The following AJAP1 variants were observed in gnomAD, a reference collection of about 807,000 sequenced individuals.
AJAP1 encodes adherens junctions associated protein 1, also known as adherens junction-associated protein 1.
In AJAP1, 5 loss-of-function variants were observed where a neutral mutation model predicts 35.0. That is an observed-to-expected ratio of 0.14 (90% CI 0.07 to 0.30). AJAP1 has a LOEUF of 0.30. Among genes scored for constraint, AJAP1 ranks in the 10% least tolerant of loss-of-function variants. The probability of loss-of-function intolerance (pLI) is 1.00; values close to 1 mark genes in which losing one functional copy is unlikely to be tolerated. For missense variants in AJAP1, 586 were observed against 571.0 expected (o/e 1.03, Z -0.27); for synonymous variants, 284 against 249.3 (o/e 1.14, Z -1.31).
chr1:4,757,693 C>T (rs1641465640), intron 2 of AJAP1, among the ~76,000 whole-genome samples: 1 of 152,236 alleles, frequency 6.6e-6, no homozygotes, highest in South Asian at 2.1e-4. Flanking sequence ...GTGTCCTCAT[C>T]ACCCTGGTTT....
At chr1:4,684,794 G>A (rs776238519) in intron 1 of AJAP1, among the ~76,000 whole-genome samples, 38 of 152,238 alleles carry the variant, frequency 2.5e-4, no homozygotes, top group Admixed American at 7.2e-4. Flanking sequence ...TGGGATCGCC[G>A]TTGATTCCAT....
At chr1:4,732,481 C>T (rs1376433880) in intron 2 of AJAP1, among the ~76,000 whole-genome samples, 1 of 152,270 alleles carries the variant, frequency 6.6e-6, no homozygotes, top group Non-Finnish European at 1.5e-5. Flanking sequence ...CCCTCCCTCA[C>T]ATGGCCTGCC....
chr1:4,713,089 G>T (rs6426433), intron 2 of AJAP1, among the ~76,000 whole-genome samples: 1 of 152,110 alleles, frequency 6.6e-6, no homozygotes, highest in South Asian at 2.1e-4. Flanking sequence ...ATGCTTGCCC[G>T]TCTCGTGATA....
At chr1:4,689,700 A>G (rs941281197) in intron 1 of AJAP1, among the ~76,000 whole-genome samples, 1 of 152,252 alleles carries the variant, frequency 6.6e-6, no homozygotes, top group Non-Finnish European at 1.5e-5. Context: ...CCCAGGAGTC[A>G]TGAGCATCCG....
chr1:4,684,801 C>G (rs1570108926), intron 1 of AJAP1, among the ~76,000 whole-genome samples: 1 of 152,146 alleles, frequency 6.6e-6, no homozygotes. Flanking sequence ...GCCGTTGATT[C>G]CATTCAACTT....
chr1:4,656,991 G>C lies in AJAP1; in HGVS notation c.29+1537G>C, dbSNP rs974306256. ...CCCAGGTCTCAGCAAGACCTTCCAA[G>C]GCTTTGTGAATGACCAGACGGGTCC... On this transcript the variant is annotated intron_variant, in intron 1 of 5. Transcript: ENST00000378191. This position sits in a 1 kb window ranked among gnomAD's most constrained non-coding sequence, Gnocchi z 5.7. Among the ~76,000 whole-genome samples, 2 of 152,198 alleles carry C rather than the reference G, an allele frequency of 1.3e-5. No individual in the cohort carries two copies. Among genetic ancestry groups the C allele is most frequent in the African/African-American group, 2.4e-5 (1 of 41,458 alleles).
chr1:4,717,414 G>T (rs1640418858), intron 2 of AJAP1, among the ~76,000 whole-genome samples: 1 of 152,204 alleles, frequency 6.6e-6, no homozygotes, highest in Admixed American at 6.5e-5. Flanking sequence ...TCGCCACCCA[G>T]GAGGGGCCCT....
At chr1:4,702,058 A>T (rs1036051359) in intron 1 of AJAP1, among the ~76,000 whole-genome samples, 2 of 152,112 alleles carry the variant, frequency 1.3e-5, no homozygotes, top group Non-Finnish European at 2.9e-5. Flanking sequence ...ACATGTCCTC[A>T]GTGTTCTAAC....
intron 5 of AJAP1, among the ~76,000 whole-genome samples, chr1:4,778,571 A>ATCTCTCTCTCTC (rs141390632): frequency 5.0e-4 from 72 of 142,870 alleles, no homozygotes; most frequent in South Asian, 1.2e-3. Context: ...GATTGGCGCC[A>ATCTCTCTCTCTC]TCTCTCTCTC....
intron 5 of AJAP1, among the ~76,000 whole-genome samples, chr1:4,780,701 G>A (rs984005094): frequency 1.4e-5 from 2 of 143,154 alleles, no homozygotes; most frequent in African/African-American, 2.6e-5. Flanking sequence ...GTGCCATCTC[G>A]GCTCACTGCA....
At position 4,676,250 on chromosome 1, in the gene AJAP1, G is replaced by A. The variant is rs188809095; in HGVS notation, c.29+20796G>A. 4.9e-4 allele frequency among the ~76,000 whole-genome samples: 75 copies of A among 152,186 alleles called. No homozygotes were observed. In the East Asian group the frequency reaches 0.012, roughly 25 times the overall value. Reference sequence around the variant, plus strand: ...ATTTCCTCATCTTCCATGTACTTGCGCATTCTTTATTTTTTTTAACCAGTT... The same window carrying A: ...ATTTCCTCATCTTCCATGTACTTGCACATTCTTTATTTTTTTTAACCAGTT... On this transcript the variant is annotated intron_variant, in intron 1 of 5. Coordinates refer to ENST00000378191, the MANE Select transcript of AJAP1 (RefSeq NM_018836.4).
chr1:4,767,139 G>A (rs1217357871), intron 2 of AJAP1, among the ~76,000 whole-genome samples: 8 of 152,142 alleles, frequency 5.3e-5, no homozygotes, highest in Non-Finnish European at 8.8e-5. Flanking sequence ...CCTTCTTTCT[G>A]TTAACTTGGT....
At position 4,782,766 on chromosome 1, in the gene AJAP1, A is replaced by T. The variant is rs545726952; in HGVS notation, c.*281A>T. The T allele has an allele frequency of 2.3e-5, 9 of 398,538 alleles. No individual in the cohort carries two copies. The highest frequency in any genetic ancestry group is 4.0e-5 in the Non-Finnish European group (9 of 226,094). The allele number at this position is 398,538 out of a possible 1,614,324, so 24.7% of individuals were successfully genotyped here. A position where few individuals can be genotyped will look rare whatever the true frequency, so the allele number is the denominator to read the frequency against. ...CCAGAGTTTTCTTTGGAGAACAGAA[A>T]GAAGAAAGGAAAGAAAGGAACCAGA... is the stretch of plus-strand genomic sequence containing the variant. On this transcript the variant is annotated 3_prime_UTR_variant, in exon 6 of 6. Transcript: ENST00000378191. The surrounding 1 kb of genome is among the most constrained non-coding windows in gnomAD (Gnocchi z 5.3).
At chr1:4,699,809 T>A (rs1639947118) in intron 1 of AJAP1, among the ~76,000 whole-genome samples, 1 of 152,192 alleles carries the variant, frequency 6.6e-6, no homozygotes, top group East Asian at 1.9e-4. Context: ...TTTTCCTTCT[T>A]CTGCAAGAGG....
chr1:4,667,715 G>T (rs1639161301), intron 1 of AJAP1, among the ~76,000 whole-genome samples: 1 of 152,198 alleles, frequency 6.6e-6, no homozygotes, highest in Non-Finnish European at 1.5e-5. Context: ...TCATGGCCCA[G>T]GGTTGGGGAC....
At chr1:4,678,931 C>A (rs944893705) in intron 1 of AJAP1, among the ~76,000 whole-genome samples, 2 of 152,212 alleles carry the variant, frequency 1.3e-5, no homozygotes, top group Admixed American at 6.5e-5. Flanking sequence ...ATGCTCCTAT[C>A]CTAATCCTCA....
In AJAP1 at chr1:4,785,630, A is replaced by G. The variant is rs908171076; in HGVS notation, c.*3145A>G. Reference sequence around the variant, plus strand: ...CGGTGGCTGCTGATTTGGCCTGATCAGTCCTTCTGCAGCCTTGGGGCAGTG... The same window carrying G: ...CGGTGGCTGCTGATTTGGCCTGATCGGTCCTTCTGCAGCCTTGGGGCAGTG... On this transcript the variant is annotated 3_prime_UTR_variant, in exon 6 of 6. Transcript: ENST00000378191. The G allele has an allele frequency of 2.0e-5, 3 of 152,132 alleles. No individual in the cohort carries two copies. The highest frequency in any genetic ancestry group is 4.4e-5 in the Non-Finnish European group (3 of 68,046). 9.4% of individuals were successfully genotyped at this position (152,132 alleles called of 1,614,324 possible). A position where few individuals can be genotyped will look rare whatever the true frequency, so the allele number is the denominator to read the frequency against.
At chr1:4,718,959 C>T (rs1430968590) in intron 2 of AJAP1, among the ~76,000 whole-genome samples, 1 of 152,184 alleles carries the variant, frequency 6.6e-6, no homozygotes, top group Non-Finnish European at 1.5e-5. Flanking sequence ...GATGGGGTCA[C>T]TGACTAGTGG....
At chr1:4,669,217 C>T (rs1314485814) in intron 1 of AJAP1, among the ~76,000 whole-genome samples, 4 of 152,168 alleles carry the variant, frequency 2.6e-5, no homozygotes, top group Non-Finnish European at 4.4e-5. Context: ...AGTCATTCCC[C>T]GTCCCCCTGG....
Sources: gnomAD v4.1 joint callset for allele counts (sites outside exome capture counted in the v4.1 genomes callset) on GRCh38, gnomAD v4.1.1 for gene constraint, Gnocchi (gnomAD v3.1) non-coding constraint, MANE v1.5 for transcripts, NCBI Gene and HGNC (gene_info 2026-07-23, HGNC 2026-07-21) for gene names.